DEPTOR: variants seen among roughly 807,000 people sequenced by gnomAD.
DEPTOR encodes DEP domain-containing mTOR-interacting protein.
DEPTOR carries 41 observed loss-of-function variants against 41.6 expected under a neutral mutation model. The observed-to-expected ratio is 0.98, with a 90% CI of 0.77 to 1.28. The LOEUF is 1.28. Among genes scored for constraint, DEPTOR ranks in the 50% most tolerant of loss-of-function variants. The pLI is 0.00. For synonymous variants in DEPTOR, 195 were observed against 192.3 expected, an observed-to-expected ratio of 1.01 and a Z score of -0.12; for missense variants, 514 against 527.9, an observed-to-expected ratio of 0.97 and a Z score of 0.26.
At chr8:119,939,085 A>G (rs1171233724) in intron 3 of DEPTOR, among the ~76,000 whole-genome samples, 7 of 152,280 alleles carry the variant, frequency 4.6e-5, no homozygotes, top group Middle Eastern at 3.4e-3. Flanking sequence ...AAGAGACTAC[A>G]TAAAGCAAAC....
intron 1 of DEPTOR, among the ~76,000 whole-genome samples, chr8:119,909,938 C>T (rs971832640): frequency 3.3e-5 from 5 of 152,216 alleles, no homozygotes; most frequent in African/African-American, 1.2e-4. Flanking sequence ...ACATAGAACA[C>T]TGGATAATCT....
chr8:119,874,044 G>T (rs1827199896), intron 1 of DEPTOR, 76 bp downstream of exon 1: 1 of 1,581,136 alleles, frequency 6.3e-7, no homozygotes. Context: ...GCGCGCACGC[G>T]CTCCCTGGCT....
intron 4 of DEPTOR, among the ~76,000 whole-genome samples, chr8:119,979,885 G>C (rs1457555032): frequency 6.6e-6 from 1 of 152,074 alleles, no homozygotes; most frequent in Non-Finnish European, 1.5e-5. Context: ...AACAAAATGT[G>C]CTTCCTCATC....
intron 4 of DEPTOR, among the ~76,000 whole-genome samples, chr8:119,978,262 C>T (rs1038829536): frequency 2.6e-5 from 4 of 152,156 alleles, no homozygotes; most frequent in African/African-American, 7.2e-5. Flanking sequence ...CTACTGAGTG[C>T]TCAGCTTGGC....
At chr8:120,023,617 G>A (rs1269748594) in intron 8 of DEPTOR, among the ~76,000 whole-genome samples, 2 of 152,094 alleles carry the variant, frequency 1.3e-5, no homozygotes, top group Non-Finnish European at 2.9e-5. Flanking sequence ...ACCTAGATAA[G>A]ATTCTATATA....
chr8:119,874,867 T>C (rs922060495), intron 1 of DEPTOR, among the ~76,000 whole-genome samples: 2 of 152,128 alleles, frequency 1.3e-5, no homozygotes, highest in Admixed American at 6.6e-5. Context: ...TAAATCAGTT[T>C]GCCAGGAAAA....
chr8:119,977,502 G>C (rs1828711698), intron 4 of DEPTOR, among the ~76,000 whole-genome samples: 1 of 152,092 alleles, frequency 6.6e-6, no homozygotes, highest in African/African-American at 2.4e-5. Flanking sequence ...TCCGAATTTA[G>C]ACTTTCTGGG....
intron 3 of DEPTOR, among the ~76,000 whole-genome samples, chr8:119,936,360 G>T (rs764395838): frequency 4.6e-5 from 7 of 152,166 alleles, no homozygotes; most frequent in Non-Finnish European, 1.0e-4. Flanking sequence ...TACATGTTGT[G>T]ATCGCTATAA....
Position 119,938,761 on chromosome 8 carries a change from C to T in DEPTOR, c.425+8823C>T, listed in dbSNP as rs189303686. ...CTGGCCTCAAGTGATCTGCCTGCCT[C>T]GGCCTCCCAAATTGTTGGGATTACA... On this transcript the variant is annotated intron_variant, in intron 3 of 8. Transcript: ENST00000286234. 1.3e-3 allele frequency among the ~76,000 whole-genome samples: 200 copies of T among 152,146 alleles called. 1 individual carries two copies. The highest frequency in any genetic ancestry group is 4.4e-3 in the African/African-American group (184 of 41,514).
In DEPTOR at chr8:119,883,749, A is replaced by T. The variant is rs535723550; in HGVS notation, c.122+9781A>T. ...CCTCCTATCTCCCTGCAATACTTTT[A>T]CCTACAGATTTTGGGTTCTGATATT... On this transcript the variant is annotated intron_variant, in intron 1 of 8. Coordinates refer to ENST00000286234, the MANE Select transcript of DEPTOR (RefSeq NM_022783.4). Among the ~76,000 whole-genome samples the T allele has an allele frequency of 4.3e-4, 66 of 152,164 alleles. 1 individual carries two copies.
intron 1 of DEPTOR, among the ~76,000 whole-genome samples, chr8:119,918,776 TA>T (rs996633970): frequency 1.3e-5 from 2 of 151,916 alleles, no homozygotes; most frequent in African/African-American, 4.8e-5. Flanking sequence ...GTATTTTTAG[TA>T]GTGACAAGGT....
intron 3 of DEPTOR, among the ~76,000 whole-genome samples, chr8:119,939,251 G>A (rs944957170): frequency 6.6e-6 from 1 of 152,146 alleles, no homozygotes; most frequent in South Asian, 2.1e-4. Flanking sequence ...TAACTTTGTT[G>A]GCTCGCTCAT....
intron 4 of DEPTOR, among the ~76,000 whole-genome samples, chr8:119,967,705 G>T (rs1228447232): frequency 7.0e-6 from 1 of 143,836 alleles, no homozygotes; most frequent in Non-Finnish European, 1.5e-5. Flanking sequence ...AGTGAGCCAA[G>T]ATTGTGCCAC....
chr8:119,974,498 G>A (rs114201985), intron 4 of DEPTOR, among the ~76,000 whole-genome samples: 2,437 of 152,182 alleles, frequency 0.016, 67 homozygotes, highest in African/African-American at 0.056. Context: ...CAGGCCAGGC[G>A]TGGTGGCTCA....
At chr8:119,943,962 C>T (rs559721794) in intron 3 of DEPTOR, among the ~76,000 whole-genome samples, 178 of 152,092 alleles carry the variant, frequency 1.2e-3, no homozygotes, top group African/African-American at 4.0e-3. Flanking sequence ...CTCAGCCTCC[C>T]GAGTAGCTGG....
rs769961499 is a variant in DEPTOR at position 120,009,100 on chromosome 8, C to T, written c.1068C>T (p.Asp356=). The T allele has an allele frequency of 3.7e-6, 6 of 1,613,994 alleles. No homozygotes were observed. The highest frequency in any genetic ancestry group is 3.4e-6 in the Non-Finnish European group (4 of 1,179,980). Residue 356 remains aspartate, a synonymous_variant, in exon 8 of 9, where the codon GAC becomes GAT. Coordinates refer to ENST00000286234, the MANE Select transcript of DEPTOR (RefSeq NM_022783.4). ...GSKPCHIQAV[D]PSGPAAAAGM... is the part of the protein sequence containing the mutation. Reference sequence around the variant, plus strand: ...AGCCATGCCACATCCAGGCTGTAGACCCCAGTGGCCCTGCAGCCGCAGCAG... The same window carrying T: ...AGCCATGCCACATCCAGGCTGTAGATCCCAGTGGCCCTGCAGCCGCAGCAG...
chr8:120,045,632 C>T (rs987033773), intron 8 of DEPTOR, among the ~76,000 whole-genome samples: 1 of 152,192 alleles, frequency 6.6e-6, no homozygotes, highest in Non-Finnish European at 1.5e-5. Flanking sequence ...GCCTTGGCCT[C>T]CCAAAGTGCT....
chr8:119,982,912 C>T (rs1828785784), intron 4 of DEPTOR, among the ~76,000 whole-genome samples: 1 of 152,194 alleles, frequency 6.6e-6, no homozygotes, highest in East Asian at 1.9e-4. Context: ...ATGGTTTTGG[C>T]TGGGCACACT....
intron 1 of DEPTOR, 96 bp downstream of exon 1, chr8:119,874,064 C>A: frequency 6.4e-7 from 1 of 1,566,054 alleles, no homozygotes; most frequent in Non-Finnish European, 8.6e-7. Flanking sequence ...TCGTGGCTTG[C>A]GACTCGCGTG....
Sources: gnomAD v4.1 joint callset for allele counts (sites outside exome capture counted in the v4.1 genomes callset) on GRCh38, gnomAD v4.1.1 for gene constraint, MANE v1.5 for transcripts, NCBI Gene and HGNC (gene_info 2026-07-23, HGNC 2026-07-21) for gene names.